The following RBMS3 variants were observed in gnomAD, a reference collection of about 807,000 sequenced individuals.
The protein encoded by RBMS3 is RNA binding motif single stranded interacting protein 3, also known as RNA-binding motif, single-stranded-interacting protein 3.
RBMS3 carries 27 observed loss-of-function variants against 66.8 expected under a neutral mutation model. The ratio of observed to expected loss-of-function variants is 0.40; its 90% CI spans 0.30 to 0.56. RBMS3 has a LOEUF of 0.56. Ranked by LOEUF, RBMS3 falls within the 20% of genes least tolerant of loss-of-function variation. RBMS3 has a pLI of 0.40. For synonymous variants in RBMS3, 188 were observed against 183.0 expected, an observed-to-expected ratio of 1.03 and a Z score of -0.22; for missense variants, 513 against 549.5, an observed-to-expected ratio of 0.93 and a Z score of 0.66.
Position 29,822,894 on chromosome 3 carries a change from T to C in RBMS3, c.638-45964T>C, listed in dbSNP as rs576396204. 8.7e-4 allele frequency among the ~76,000 whole-genome samples: 133 copies of C among 152,272 alleles called. 1 individual carries two copies. The highest frequency in any genetic ancestry group is 1.5e-3 in the Non-Finnish European group (99 of 68,020). On this transcript the variant is annotated intron_variant, in intron 6 of 14. Transcript: ENST00000383767. ...AGAAATATTCTAAAATCCTCCAGTG[T>C]TTCATAAGCACATTGCACATTCTAT...
intron 6 of RBMS3, among the ~76,000 whole-genome samples, chr3:29,771,075 G>A (rs538538063): frequency 1.2e-3 from 190 of 152,086 alleles, no homozygotes; most frequent in Non-Finnish European, 1.5e-3. Flanking sequence ...AATATTTTAA[G>A]AGAAATGTGA....
chr3:29,421,510 GTAGT>G (rs1230822803), intron 1 of RBMS3, among the ~76,000 whole-genome samples: 2 of 152,168 alleles, frequency 1.3e-5, no homozygotes, highest in Non-Finnish European at 2.9e-5. Context: ...TGGATATTTA[GTAGT>G]TGGTGTGTTA....
intron 3 of RBMS3, among the ~76,000 whole-genome samples, chr3:29,514,431 A>G (rs2148960832): frequency 6.6e-6 from 1 of 152,034 alleles, no homozygotes; most frequent in Middle Eastern, 3.4e-3. Context: ...AACATCTGCA[A>G]CACATATTAA....
intron 4 of RBMS3, among the ~76,000 whole-genome samples, chr3:29,633,405 G>A (rs2049355056): frequency 6.6e-6 from 1 of 151,748 alleles, no homozygotes; most frequent in South Asian, 2.1e-4. Flanking sequence ...AGGGGCTGTG[G>A]CATATCAGAT....
chr3:29,901,495 G>T (rs1402611691), intron 10 of RBMS3, among the ~76,000 whole-genome samples: 1 of 151,812 alleles, frequency 6.6e-6, no homozygotes, highest in Non-Finnish European at 1.5e-5. Flanking sequence ...ATTAGGGGCA[G>T]GGAAGATGGT....
At chr3:29,511,797 C>T (rs938704283) in intron 3 of RBMS3, among the ~76,000 whole-genome samples, 1 of 151,450 alleles carries the variant, frequency 6.6e-6, no homozygotes, top group African/African-American at 2.4e-5. Context: ...TTGAAGGATC[C>T]AATTGTGTCT....
At position 29,428,386 on chromosome 3, in the gene RBMS3, G is replaced by A. The variant is rs144117119; in HGVS notation, c.76-6357G>A. Reference sequence around the variant, plus strand: ...AACAGAGAATTATCTTGTCCAAAATGTGAGTGGTGCCAAAGTATGGAACTA... The same window carrying A: ...AACAGAGAATTATCTTGTCCAAAATATGAGTGGTGCCAAAGTATGGAACTA... On this transcript the variant is annotated intron_variant, in intron 1 of 14. Transcript: ENST00000383767. Among the ~76,000 whole-genome samples the A allele has an allele frequency of 3.9e-5, 6 of 152,236 alleles. No individual in the cohort carries two copies. The East Asian group carries it at 1.2e-3, about 29-fold the overall frequency.
intron 14 of RBMS3, among the ~76,000 whole-genome samples, chr3:29,993,971 T>G (rs948868163): frequency 2.6e-5 from 4 of 152,146 alleles, no homozygotes; most frequent in Admixed American, 2.6e-4. Context: ...CAGCTCCCAG[T>G]GTGAGCGACG....
intron 11 of RBMS3, 149 bp downstream of exon 11, chr3:29,936,345 C>A (rs1390040512): frequency 1.6e-5 from 12 of 767,338 alleles, no homozygotes; most frequent in South Asian, 8.5e-5. Context: ...AAGCTGCATT[C>A]TGCATGTATG....
intron 4 of RBMS3, among the ~76,000 whole-genome samples, chr3:29,619,444 C>A (rs1187103614): frequency 6.6e-6 from 1 of 152,066 alleles, no homozygotes; most frequent in Non-Finnish European, 1.5e-5. Flanking sequence ...ATGGTGAGGA[C>A]CCTGTTGTCA....
chr3:29,579,310 T>G (rs1324347900), intron 3 of RBMS3, among the ~76,000 whole-genome samples: 1 of 152,182 alleles, frequency 6.6e-6, no homozygotes, highest in East Asian at 1.9e-4. Context: ...CCAGGCCATT[T>G]GCTGAAACTA....
At chr3:29,614,123 A>G (rs2149138207) in intron 4 of RBMS3, among the ~76,000 whole-genome samples, 1 of 152,272 alleles carries the variant, frequency 6.6e-6, no homozygotes, top group Middle Eastern at 3.4e-3. Flanking sequence ...GTATATACAC[A>G]GTGGAATACT....
At chr3:29,428,721 C>A (rs1393197289) in intron 1 of RBMS3, among the ~76,000 whole-genome samples, 1 of 152,068 alleles carries the variant, frequency 6.6e-6, no homozygotes, top group Non-Finnish European at 1.5e-5. Context: ...CTAAATGAAT[C>A]AGCTGTTTAG....
At chr3:29,781,934 C>G (rs2056645514) in intron 6 of RBMS3, among the ~76,000 whole-genome samples, 2 of 151,980 alleles carry the variant, frequency 1.3e-5, no homozygotes, top group South Asian at 4.2e-4. Context: ...GAATATAACT[C>G]CATAAGATTG....
intron 4 of RBMS3, among the ~76,000 whole-genome samples, chr3:29,651,979 G>A (rs970380410): frequency 1.3e-5 from 2 of 152,104 alleles, no homozygotes; most frequent in African/African-American, 4.8e-5. Flanking sequence ...AAACTTAACT[G>A]TAGCATACTC....
At chr3:29,908,844 G>A (rs1396637231) in intron 10 of RBMS3, among the ~76,000 whole-genome samples, 1 of 152,046 alleles carries the variant, frequency 6.6e-6, no homozygotes, top group Non-Finnish European at 1.5e-5. Flanking sequence ...TATAATTGTA[G>A]AAAAACATTA....
chr3:29,879,242 T>C (rs1227560331), intron 7 of RBMS3, among the ~76,000 whole-genome samples: 1 of 152,206 alleles, frequency 6.6e-6, no homozygotes, highest in Non-Finnish European at 1.5e-5. Context: ...ACTAAAGGTT[T>C]CTAAGTAGAA....
chr3:29,396,921 A>G (rs559247545), intron 1 of RBMS3, among the ~76,000 whole-genome samples: 2 of 152,330 alleles, frequency 1.3e-5, no homozygotes, highest in Admixed American at 6.5e-5. Flanking sequence ...TGTTTCGTGC[A>G]TAAAAGTAGC....
At chr3:29,499,484 G>A (rs1395556899) in intron 3 of RBMS3, among the ~76,000 whole-genome samples, 2 of 152,172 alleles carry the variant, frequency 1.3e-5, no homozygotes, top group Non-Finnish European at 2.9e-5. Context: ...AGTGAGCTCA[G>A]ATGCCTGCTT....
Sources: allele counts gnomAD v4.1 joint callset (sites outside exome capture counted in the v4.1 genomes callset), GRCh38; gene constraint gnomAD v4.1.1; transcripts MANE v1.5; gene names NCBI Gene and HGNC (gene_info 2026-07-23, HGNC 2026-07-21).